SNX8: variants seen among roughly 807,000 people sequenced by gnomAD.
SNX8 encodes sorting nexin-8.
Under a neutral mutation model 51.6 loss-of-function variants are expected in SNX8, and 25 were observed. The observed-to-expected ratio is 0.48, with a 90% CI of 0.35 to 0.68. SNX8 has a LOEUF of 0.68. Ranked by LOEUF, SNX8 falls within the 30% of genes least tolerant of loss-of-function variation. The pLI is 0.00. For synonymous variants in SNX8, 324 were observed against 277.0 expected, an observed-to-expected ratio of 1.17 and a Z score of -1.68; for missense variants, 695 against 624.0, an observed-to-expected ratio of 1.11 and a Z score of -1.21.
Position 2,302,816 on chromosome 7 carries a change from C to A in SNX8, c.94+11512G>T, listed in dbSNP as rs1427898015. ...GCGACCTCGTCTGGGAGGTGAGGAGCGTCTCTGCCCGGCCGCCCCGTCTGA... is the reference window on the plus strand; with the variant it reads ...GCGACCTCGTCTGGGAGGTGAGGAGAGTCTCTGCCCGGCCGCCCCGTCTGA... On this transcript the variant is annotated intron_variant, in intron 1 of 10. Coordinates refer to ENST00000222990, the MANE Select transcript of SNX8 (RefSeq NM_013321.4). Among the ~76,000 whole-genome samples, 12 of 150,412 alleles carry A rather than the reference C, an allele frequency of 8.0e-5. No homozygotes were observed. The East Asian group carries it at 2.2e-3, about 28-fold the overall frequency.
chr7:2,315,474 A>C (rs572159257), upstream of SNX8, among the ~76,000 whole-genome samples: 5 of 146,226 alleles, frequency 3.4e-5, no homozygotes, highest in South Asian at 2.2e-4. Context: ...TCATTCATCC[A>C]TTCACTCACT....
intron 1 of SNX8, among the ~76,000 whole-genome samples, chr7:2,332,155 C>G (rs911385722): frequency 3.4e-4 from 51 of 151,708 alleles, no homozygotes; most frequent in African/African-American, 9.7e-4. Context: ...TGCAGTGAAC[C>G]AAGATCACAC....
chr7:2,305,939 G>A (rs1448700689), intron 1 of SNX8, among the ~76,000 whole-genome samples: 3 of 151,946 alleles, frequency 2.0e-5, no homozygotes, highest in Non-Finnish European at 2.9e-5. Flanking sequence ...TAAAGACAGC[G>A]GCACCCTGGA....
intron 2 of SNX8, among the ~76,000 whole-genome samples, chr7:2,275,607 C>T (rs964195584): frequency 1.3e-5 from 2 of 151,996 alleles, no homozygotes; most frequent in African/African-American, 4.8e-5. Flanking sequence ...GAGCCTGAGG[C>T]AGGAGAATCC....
chr7:2,260,515 C>T (rs1328581779), intron 7 of SNX8, among the ~76,000 whole-genome samples: 1 of 152,100 alleles, frequency 6.6e-6, no homozygotes, highest in African/African-American at 2.4e-5. Context: ...TTAACCAAGG[C>T]GAAGATCCCG....
intron 5 of SNX8, among the ~76,000 whole-genome samples, chr7:2,266,041 C>T (rs774495100): frequency 7.5e-4 from 115 of 152,324 alleles, no homozygotes; most frequent in Non-Finnish European, 1.5e-3. Flanking sequence ...TGCTTGAACT[C>T]AGGAGGTCGA....
chr7:2,309,994 C>T (rs937642355), intron 1 of SNX8: 10 of 405,226 alleles, frequency 2.5e-5, no homozygotes, highest in East Asian at 1.4e-4. Flanking sequence ...ACGGAGCTTC[C>T]GAACCGAATG....
At chr7:2,314,474 C>T, upstream of SNX8, 2 of 1,186,246 alleles carry the variant, frequency 1.7e-6, no homozygotes, top group East Asian at 3.7e-5. Flanking sequence ...CCGCGCAGCC[C>T]TGCCGCGCCG....
rs371599582 is a variant in SNX8, at chr7:2,263,260, G to T, written c.885C>A (p.Phe295Leu). The change falls in exon 7 of 11, where the codon TTC becomes TTA. Residue 295 changes from phenylalanine to leucine, a missense_variant. Physicochemically the swap from Phe to Leu is conservative, Grantham distance 22. Coordinates refer to ENST00000222990, the MANE Select transcript of SNX8 (RefSeq NM_013321.4). ...KQALKGLSVE[F>L]ALLADKAAQQ... ...GTGCAGCCTTGTCGGCGAGCAGCGC[G>T]AATTCCACAGACAGGCCTTTCAGAG... 32 of 1,613,810 alleles carry T rather than the reference G, an allele frequency of 2.0e-5. No individual in the cohort carries two copies. The Middle Eastern group carries it at 4.9e-4, about 25-fold the overall frequency.
chr7:2,352,529 T>C (rs895471684), intron 1 of SNX8, among the ~76,000 whole-genome samples: 1 of 152,088 alleles, frequency 6.6e-6, no homozygotes, highest in Non-Finnish European at 1.5e-5. Context: ...ATTGTAAGCA[T>C]GCATATGTAG....
At chr7:2,280,652 A>C (rs1236283612) in intron 1 of SNX8, among the ~76,000 whole-genome samples, 1 of 152,212 alleles carries the variant, frequency 6.6e-6, no homozygotes, top group Non-Finnish European at 1.5e-5. Context: ...GAGAATCTGA[A>C]AGAGCTCAAA....
chr7:2,311,661 G>T (rs1283241494), intron 1 of SNX8, among the ~76,000 whole-genome samples: 1 of 152,144 alleles, frequency 6.6e-6, no homozygotes, highest in African/African-American at 2.4e-5. Flanking sequence ...TGCGAGGCCG[G>T]GCGCGGTGGC....
At position 2,256,916 on chromosome 7, in the gene SNX8, G is replaced by A. The variant is rs996821328; in HGVS notation, c.1242C>T (p.Ile414=). Residue 414 remains isoleucine (I), a synonymous_variant, in exon 10 of 11, where the codon ATC becomes ATT. Coordinates refer to ENST00000222990, the MANE Select transcript of SNX8 (RefSeq NM_013321.4). Reference sequence around the variant, plus strand: ...TCTGAGAGTTGACGAAGGCGCGGAGGATGTGGGAGGTGAGGGGCAGGTAGA... The same window carrying A: ...TCTGAGAGTTGACGAAGGCGCGGAGAATGTGGGAGGTGAGGGGCAGGTAGA... ...IHVYLPLTSH[I]LRAFVNSQIQ... 3.7e-6 allele frequency: 6 copies of A among 1,613,764 alleles called. No individual in the cohort carries two copies. Among genetic ancestry groups the A allele is most frequent in the East Asian group, 2.2e-5 (1 of 44,882 alleles).
intron 1 of SNX8, among the ~76,000 whole-genome samples, chr7:2,335,375 G>C (rs150599469): frequency 6.6e-6 from 1 of 152,092 alleles, no homozygotes; most frequent in Non-Finnish European, 1.5e-5. Context: ...CTAGCCGGGC[G>C]TGGTGGCTCA....
At chr7:2,347,345 G>A (rs531412896) in intron 1 of SNX8, among the ~76,000 whole-genome samples, 11 of 151,596 alleles carry the variant, frequency 7.3e-5, no homozygotes, top group East Asian at 5.9e-4. Context: ...GTCAGGCTTC[G>A]TGGTGGGCGC....
intron 1 of SNX8, among the ~76,000 whole-genome samples, chr7:2,320,695 G>A (rs1485876581): frequency 6.6e-6 from 1 of 152,122 alleles, no homozygotes; most frequent in African/African-American, 2.4e-5. Context: ...CTCCACTCCA[G>A]TCTGGATGAC....
chr7:2,348,273 G>A (rs190812957), intron 1 of SNX8, among the ~76,000 whole-genome samples: 24 of 150,160 alleles, frequency 1.6e-4, no homozygotes, highest in African/African-American at 4.8e-4. Flanking sequence ...TAGCCTGCAC[G>A]CTCCACCCAG....
intron 1 of SNX8, among the ~76,000 whole-genome samples, chr7:2,304,914 G>T (rs541156446): frequency 1.3e-5 from 2 of 152,292 alleles, no homozygotes; most frequent in South Asian, 4.1e-4. Context: ...TGAAATTTCG[G>T]TCCTGAAGAT....
At chr7:2,313,742 G>A (rs1796705806) in intron 1 of SNX8, among the ~76,000 whole-genome samples, 1 of 151,386 alleles carries the variant, frequency 6.6e-6, no homozygotes, top group Non-Finnish European at 1.5e-5. Flanking sequence ...CGCGCCCGTA[G>A]TCCCAGCACT....
Sources: allele counts gnomAD v4.1 joint callset (sites outside exome capture counted in the v4.1 genomes callset), GRCh38; gene constraint gnomAD v4.1.1; transcripts MANE v1.5; gene names NCBI Gene and HGNC (gene_info 2026-07-23, HGNC 2026-07-21).